NEMP2: variants seen among roughly 807,000 people sequenced by gnomAD.
The protein encoded by NEMP2 is nuclear envelope integral membrane protein 2, also known as UPF0571 transmembrane protein.
A neutral mutation model predicts 54.2 loss-of-function variants in NEMP2; 53 were observed. The observed-to-expected ratio is 0.98, with a 90% CI of 0.78 to 1.23. NEMP2 has a LOEUF of 1.23. NEMP2 is among the 50% of genes most tolerant of loss of function. The pLI is 0.00. For missense variants in NEMP2, 455 were observed against 511.3 expected (o/e 0.89, Z 1.06); for synonymous variants, 197 against 190.3 (o/e 1.04, Z -0.29).
chr2:190,608,897 G>A, the NEMP2 span: 2 of 152,086 alleles, frequency 1.3e-5, no homozygotes, highest in Non-Finnish European at 2.9e-5. The surrounding 1 kb of genome is among the most constrained non-coding windows in gnomAD (Gnocchi z 4.9). Context: ...TCAGAGGTAC[G>A]TATGTATAAA....
At chr2:190,573,738 G>C in the NEMP2 span, among the ~76,000 whole-genome samples, 2 of 152,196 alleles carry the variant, frequency 1.3e-5, no homozygotes, top group Non-Finnish European at 2.9e-5. Context: ...AGATTAATGA[G>C]ATAATATGCA....
chr2:190,647,709 TC>T, the NEMP2 span, among the ~76,000 whole-genome samples: 157 of 99,806 alleles, frequency 1.6e-3, no homozygotes, highest in African/African-American at 4.2e-3. Flanking sequence ...TTCTTCTTCT[TC>T]TTTTTTTTTT....
rs1295710910 is a variant in NEMP2, at chr2:190,513,784, C to T, written c.953+669G>A. On this transcript the variant is annotated intron_variant, in intron 7 of 8. Transcript: ENST00000409150. This position sits in a 1 kb window ranked among gnomAD's most constrained non-coding sequence, Gnocchi z 5.3. ...AGCTCTCCTGGCTTTCTCTATATAC[C>T]CTTAGTTCCTGGGCAAGTCTCCATT... is the stretch of plus-strand genomic sequence containing the variant. 6.6e-6 allele frequency among the ~76,000 whole-genome samples: 1 copy of T among 152,104 alleles called. No homozygotes were observed. Among genetic ancestry groups the T allele is most frequent in the Non-Finnish European group, 1.5e-5 (1 of 68,002 alleles).
chr2:190,567,286 G>A, the NEMP2 span, among the ~76,000 whole-genome samples: 1 of 151,628 alleles, frequency 6.6e-6, no homozygotes, highest in Non-Finnish European at 1.5e-5. This position sits in a 1 kb window ranked among gnomAD's most constrained non-coding sequence, Gnocchi z 4.0. Context: ...AGAAAGGAAA[G>A]GTATGAGACT....
chr2:190,542,066 G>C, the NEMP2 span, among the ~76,000 whole-genome samples: 4 of 152,072 alleles, frequency 2.6e-5, no homozygotes, highest in African/African-American at 9.7e-5. The surrounding 1 kb of genome is among the most constrained non-coding windows in gnomAD (Gnocchi z 4.6). Flanking sequence ...TCTTACTAAG[G>C]TTAAATCTGT....
At chr2:190,601,258 G>A in the NEMP2 span, among the ~76,000 whole-genome samples, 1 of 152,158 alleles carries the variant, frequency 6.6e-6, no homozygotes, top group Non-Finnish European at 1.5e-5. This position sits in a 1 kb window ranked among gnomAD's most constrained non-coding sequence, Gnocchi z 5.8. Flanking sequence ...ACCACCAGAA[G>A]CTAAGAGAAA....
the NEMP2 span, chr2:190,641,440 G>A: frequency 1.3e-5 from 2 of 152,186 alleles, no homozygotes; most frequent in East Asian, 3.9e-4. Context: ...CCAGCTGCTG[G>A]GTCCTTTGGC....
At chr2:190,543,032 T>C in the NEMP2 span, among the ~76,000 whole-genome samples, 1 of 152,232 alleles carries the variant, frequency 6.6e-6, no homozygotes, top group Non-Finnish European at 1.5e-5. This position sits in a 1 kb window ranked among gnomAD's most constrained non-coding sequence, Gnocchi z 4.7. Flanking sequence ...ACTGTACATG[T>C]TTGCTCAGAT....
At chr2:190,473,056 A>C in the NEMP2 span, among the ~76,000 whole-genome samples, 1 of 152,198 alleles carries the variant, frequency 6.6e-6, no homozygotes, top group African/African-American at 2.4e-5. Context: ...TGTCACCACC[A>C]GACCTGCCCT....
At chr2:190,443,087 G>T in the NEMP2 span, 2 of 152,122 alleles carry the variant, frequency 1.3e-5, no homozygotes, top group Non-Finnish European at 1.5e-5. This position sits in a 1 kb window ranked among gnomAD's most constrained non-coding sequence, Gnocchi z 4.2. Context: ...TCTATATATT[G>T]TTTTAGCAGC....
Position 190,527,444 on chromosome 2 carries a change from G to A in NEMP2, c.98-2066C>T, listed in dbSNP as rs1009503726. Among the ~76,000 whole-genome samples, 3 of 152,146 alleles carry A rather than the reference G, an allele frequency of 2.0e-5. No individual in the cohort carries two copies. The highest frequency in any genetic ancestry group is 7.2e-5 in the African/African-American group (3 of 41,408). On this transcript the variant is annotated intron_variant, in intron 1 of 8. Transcript: ENST00000409150. This position sits in a 1 kb window ranked among gnomAD's most constrained non-coding sequence, Gnocchi z 4.0. ...CCATAAAAGGGAGGGTTTTCCGGTGGCCACACGAAGCAGCAAAATTACACA... is the reference window on the plus strand; with the variant it reads ...CCATAAAAGGGAGGGTTTTCCGGTGACCACACGAAGCAGCAAAATTACACA...
At chr2:190,469,371 A>ATAGT in the NEMP2 span, 1 of 153,466 alleles carries the variant, frequency 6.5e-6, no homozygotes, top group Admixed American at 6.5e-5. The surrounding 1 kb of genome is among the most constrained non-coding windows in gnomAD (Gnocchi z 5.3). Flanking sequence ...AATCCCAGGC[A>ATAGT]TAGTTCTCCT....
chr2:190,605,809 G>A, the NEMP2 span, among the ~76,000 whole-genome samples: 1 of 152,276 alleles, frequency 6.6e-6, no homozygotes, highest in South Asian at 2.1e-4. Context: ...ATTTCTCTGG[G>A]AAACTTAGCT....
the NEMP2 span, among the ~76,000 whole-genome samples, chr2:190,642,837 T>C: frequency 6.6e-6 from 1 of 152,104 alleles, no homozygotes; most frequent in African/African-American, 2.4e-5. The surrounding 1 kb of genome is among the most constrained non-coding windows in gnomAD (Gnocchi z 4.1). Flanking sequence ...TCTAAGAACA[T>C]TTTAAATCTA....
the NEMP2 span, among the ~76,000 whole-genome samples, chr2:190,584,916 AAAG>A: frequency 9.4e-6 from 1 of 106,660 alleles, no homozygotes; most frequent in Non-Finnish European, 2.2e-5. The surrounding 1 kb of genome is among the most constrained non-coding windows in gnomAD (Gnocchi z 4.2). Context: ...AGAAAGAAAG[AAAG>A]AAAGAAAGAA....
At chr2:190,641,061 G>A in the NEMP2 span, 1 of 152,178 alleles carries the variant, frequency 6.6e-6, no homozygotes, top group Non-Finnish European at 1.5e-5. Context: ...CCCACGTCAA[G>A]AGGCTGGTTT....
At chr2:190,470,263 C>G in the NEMP2 span, among the ~76,000 whole-genome samples, 1 of 152,120 alleles carries the variant, frequency 6.6e-6, no homozygotes, top group Non-Finnish European at 1.5e-5. Flanking sequence ...TATTTTATCT[C>G]TTCAGTTATT....
At position 190,529,314 on chromosome 2, in the gene NEMP2, T is replaced by C. The variant is rs750207270; in HGVS notation, c.98-3936A>G. 1.9e-4 allele frequency among the ~76,000 whole-genome samples: 29 copies of C among 152,052 alleles called. No individual in the cohort carries two copies. Among genetic ancestry groups the C allele is most frequent in the Non-Finnish European group, 3.5e-4 (24 of 68,008 alleles). ...CAGGGACCTGAGTGCCTCTATGACC[T>C]TCCCTCCTCCACCTTCCCTCCCAGC... On this transcript the variant is annotated intron_variant, in intron 1 of 8. Coordinates refer to ENST00000409150, the MANE Select transcript of NEMP2 (RefSeq NM_001142645.2). The surrounding 1 kb of genome is among the most constrained non-coding windows in gnomAD (Gnocchi z 4.7).
the NEMP2 span, among the ~76,000 whole-genome samples, chr2:190,434,059 T>C: frequency 4.6e-5 from 7 of 152,004 alleles, no homozygotes; most frequent in Non-Finnish European, 1.0e-4. This position sits in a 1 kb window ranked among gnomAD's most constrained non-coding sequence, Gnocchi z 4.3. Flanking sequence ...GGCACACGTC[T>C]GTAGTCCTAG....
Sources: gnomAD v4.1 joint callset for allele counts (sites outside exome capture counted in the v4.1 genomes callset) on GRCh38, gnomAD v4.1.1 for gene constraint, Gnocchi (gnomAD v3.1) non-coding constraint, MANE v1.5 for transcripts, NCBI Gene and HGNC (gene_info 2026-07-23, HGNC 2026-07-21) for gene names.